Variants in PAK5 observed in about 807,000 individuals in gnomAD.
The protein encoded by PAK5 is serine/threonine-protein kinase PAK 5.
PAK5 carries 16 observed loss-of-function variants against 65.9 expected under a neutral mutation model. The observed-to-expected ratio is 0.24, with a 90% CI of 0.16 to 0.37. The LOEUF (loss-of-function observed/expected upper bound fraction) is 0.37. Ranked by LOEUF, PAK5 falls within the 10% of genes least tolerant of loss-of-function variation. PAK5 has a pLI of 1.00. For synonymous variants in PAK5, 371 were observed against 354.9 expected (o/e 1.05, Z -0.51); for missense variants, 785 against 903.9 (o/e 0.87, Z 1.69).
intron 1 of PAK5, among the ~76,000 whole-genome samples, chr20:9,760,875 T>C (rs1006548846): frequency 1.3e-5 from 2 of 152,066 alleles, no homozygotes; most frequent in Non-Finnish European, 2.9e-5. Flanking sequence ...GGTTTCACTA[T>C]GTTGGCCAAA....
At chr20:9,663,526 G>A (rs1002463216) in intron 2 of PAK5, among the ~76,000 whole-genome samples, 1 of 151,996 alleles carries the variant, frequency 6.6e-6, no homozygotes, top group Non-Finnish European at 1.5e-5. Context: ...ATTTAATTTG[G>A]GTAAGTTTGT....
intron 3 of PAK5, among the ~76,000 whole-genome samples, chr20:9,622,627 C>T (rs1206814496): frequency 6.6e-6 from 1 of 152,234 alleles, no homozygotes; most frequent in Non-Finnish European, 1.5e-5. Flanking sequence ...TGAGCATTAC[C>T]AGCTGAGCTC....
chr20:9,607,618 G>A (rs932928260), intron 3 of PAK5, among the ~76,000 whole-genome samples: 1 of 152,034 alleles, frequency 6.6e-6, no homozygotes, highest in African/African-American at 2.4e-5. Context: ...CTTGGGCCCA[G>A]GAATTAAAGA....
At chr20:9,677,168 T>G (rs571153938) in intron 2 of PAK5, among the ~76,000 whole-genome samples, 1 of 152,260 alleles carries the variant, frequency 6.6e-6, no homozygotes, top group Non-Finnish European at 1.5e-5. Flanking sequence ...AAAAATATTC[T>G]CTTTCACTTC....
intron 1 of PAK5, among the ~76,000 whole-genome samples, chr20:9,762,264 G>C (rs1046725576): frequency 3.3e-5 from 5 of 151,950 alleles, no homozygotes; most frequent in African/African-American, 1.2e-4. Context: ...AAACAAATGG[G>C]ACTACATCAA....
chr20:9,614,699 C>T (rs1427720040), intron 3 of PAK5, among the ~76,000 whole-genome samples: 1 of 152,140 alleles, frequency 6.6e-6, no homozygotes, highest in Non-Finnish European at 1.5e-5. Flanking sequence ...GAAAAAAACT[C>T]CACCAGTCTA....
chr20:9,678,198 A>G (rs563651199), intron 2 of PAK5, among the ~76,000 whole-genome samples: 1 of 152,316 alleles, frequency 6.6e-6, no homozygotes, highest in South Asian at 2.1e-4. Flanking sequence ...TCTGTGGGAA[A>G]TTGTGCCCTT....
intron 6 of PAK5, among the ~76,000 whole-genome samples, chr20:9,562,145 G>T (rs1460061148): frequency 6.6e-6 from 1 of 152,076 alleles, no homozygotes; most frequent in African/African-American, 2.4e-5. Flanking sequence ...AATATTTATT[G>T]ACTCTTTCTG....
chr20:9,684,259 T>C (rs2047688613), intron 2 of PAK5, among the ~76,000 whole-genome samples: 1 of 152,174 alleles, frequency 6.6e-6, no homozygotes, highest in Non-Finnish European at 1.5e-5. Flanking sequence ...GTTCTGCCAC[T>C]TACACTAGTT....
intron 1 of PAK5, among the ~76,000 whole-genome samples, chr20:9,787,011 G>T (rs2048999958): frequency 6.6e-6 from 1 of 152,116 alleles, no homozygotes; most frequent in African/African-American, 2.4e-5. Context: ...CACTCCTCAT[G>T]CAGCTGCTGA....
intron 1 of PAK5, among the ~76,000 whole-genome samples, chr20:9,751,867 CA>C: frequency 6.6e-6 from 1 of 152,070 alleles, no homozygotes. Context: ...GTAAAAAATT[CA>C]TGTAGGGAGT....
intron 4 of PAK5, among the ~76,000 whole-genome samples, chr20:9,575,231 G>A (rs1339921181): frequency 6.6e-6 from 1 of 152,066 alleles, no homozygotes; most frequent in South Asian, 2.1e-4. Context: ...GTCTCACTCT[G>A]TTGCCTAGGC....
At chr20:9,733,438 C>G (rs959293824) in intron 1 of PAK5, among the ~76,000 whole-genome samples, 16 of 151,468 alleles carry the variant, frequency 1.1e-4, no homozygotes, top group Non-Finnish European at 2.1e-4. Context: ...CTTTCTCTCT[C>G]TCTCTTTTTC....
chr20:9,579,701 T>C (rs2045944600), intron 4 of PAK5, among the ~76,000 whole-genome samples: 1 of 152,204 alleles, frequency 6.6e-6, no homozygotes, highest in African/African-American at 2.4e-5. Flanking sequence ...AAAATTACCA[T>C]GTTATACTGA....
rs192306055 is a variant in PAK5, at chr20:9,537,471, C to T, written c.*1991G>A. On this transcript the variant is annotated 3_prime_UTR_variant, in exon 10 of 10. Coordinates refer to ENST00000353224, the MANE Select transcript of PAK5 (RefSeq NM_177990.4). The stretch of plus-strand genomic sequence containing the variant: ...CACAAAACCTTTTAAGCTACAGTAA[C>T]TTTTGGTAAACTCAATGAATACTTT... The T allele has an allele frequency of 1.4e-5, 3 of 210,930 alleles. No individual in the cohort carries two copies. The highest frequency in any genetic ancestry group is 6.8e-5 in the African/African-American group (3 of 44,188). The allele number at this position is 210,930 out of a possible 1,614,324, so 13.1% of individuals were successfully genotyped here.
intron 3 of PAK5, among the ~76,000 whole-genome samples, chr20:9,596,772 G>A (rs1218060381): frequency 3.3e-5 from 5 of 151,992 alleles, no homozygotes; most frequent in African/African-American, 1.2e-4. Flanking sequence ...CCAGGCAGTG[G>A]TAGTTTTAAA....
At chr20:9,746,687 T>A (rs952623981) in intron 1 of PAK5, among the ~76,000 whole-genome samples, 5 of 151,846 alleles carry the variant, frequency 3.3e-5, no homozygotes, top group Non-Finnish European at 7.4e-5. Flanking sequence ...ACTTATTTAA[T>A]TAATTCAATT....
chr20:9,604,641 T>G (rs1429752041), intron 3 of PAK5, among the ~76,000 whole-genome samples: 1 of 152,244 alleles, frequency 6.6e-6, no homozygotes, highest in African/African-American at 2.4e-5. Context: ...GCATCCAAAC[T>G]TGTGACCTCT....
intron 1 of PAK5, among the ~76,000 whole-genome samples, chr20:9,755,582 G>A (rs2048624876): frequency 6.6e-6 from 1 of 152,176 alleles, no homozygotes; most frequent in South Asian, 2.1e-4. Flanking sequence ...CTGTGGGGAA[G>A]AGGTGTGAGC....
Sources: allele counts gnomAD v4.1 joint callset (sites outside exome capture counted in the v4.1 genomes callset), GRCh38; gene constraint gnomAD v4.1.1; transcripts MANE v1.5; gene names NCBI Gene and HGNC (gene_info 2026-07-23, HGNC 2026-07-21).